USP40: variants seen among roughly 807,000 people sequenced by gnomAD.
USP40 encodes the protein ubiquitin specific peptidase 40.
Under a neutral mutation model 166.2 loss-of-function variants are expected in USP40, and 143 were observed. That is an observed-to-expected ratio of 0.86 (90% CI 0.75 to 0.99). USP40 has a LOEUF of 0.99. USP40 is among the 50% of genes least tolerant of loss of function. USP40 has a pLI of 0.00. For synonymous variants in USP40, 498 were observed against 524.0 expected (o/e 0.95, Z 0.68); for missense variants, 1,444 against 1,479.7 (o/e 0.98, Z 0.40).
chr2:233,507,029 C>A (rs1307061433), intron 21 of USP40, among the ~76,000 whole-genome samples: 2 of 152,042 alleles, frequency 1.3e-5, no homozygotes, highest in African/African-American at 4.8e-5. Context: ...GTAAACATTT[C>A]TCAAAAGACA....
chr2:233,498,647 C>G, intron 22 of USP40, 35 bp from the exon 23 acceptor site: 2 of 1,583,958 alleles, frequency 1.3e-6, no homozygotes, highest in Non-Finnish European at 1.7e-6. Flanking sequence ...AAAAAAAATT[C>G]AAAGTTAGGT....
In USP40 at chr2:233,502,628, A is replaced by G. The variant is rs571123793; in HGVS notation, c.2614-2713T>C. 4.6e-5 allele frequency among the ~76,000 whole-genome samples: 7 copies of G among 152,236 alleles called. No individual in the cohort carries two copies. The East Asian group carries it at 1.4e-3, about 29-fold the overall frequency. ...AGTGTGGCAGTATCCCCCTCCCCAG[A>G]GAGACCAACACACAGCTATGCTCAG... is the stretch of plus-strand genomic sequence containing the variant. On this transcript the variant is annotated intron_variant, in intron 21 of 31. Transcript: ENST00000678225.
At chr2:233,551,758 T>C (rs1048446948) in intron 6 of USP40, among the ~76,000 whole-genome samples, 1 of 152,196 alleles carries the variant, frequency 6.6e-6, no homozygotes, top group Non-Finnish European at 1.5e-5. Context: ...ATCTTTAATG[T>C]TGATATCCTG....
chr2:233,489,544 T>C (rs2065170530), intron 26 of USP40, 61 bp from the exon 27 acceptor site: 27 of 1,372,524 alleles, frequency 2.0e-5, no homozygotes, highest in Non-Finnish European at 2.7e-5. Flanking sequence ...AAACATACTG[T>C]TTTAGAAAAA....
chr2:233,496,319 A>G (rs2065750071), intron 24 of USP40, among the ~76,000 whole-genome samples: 1 of 152,248 alleles, frequency 6.6e-6, no homozygotes, highest in African/African-American at 2.4e-5. Context: ...ACTGCATAGA[A>G]CATCAAGGCT....
chr2:233,530,686 CTTCT>C (rs2068448466), intron 11 of USP40, among the ~76,000 whole-genome samples: 1 of 152,138 alleles, frequency 6.6e-6, no homozygotes, highest in South Asian at 2.1e-4. Context: ...CATTCTTCTT[CTTCT>C]TTTTGATTAC....
intron 2 of USP40, among the ~76,000 whole-genome samples, chr2:233,564,517 G>A (rs965201763): frequency 2.6e-5 from 4 of 152,134 alleles, no homozygotes; most frequent in African/African-American, 9.7e-5. Flanking sequence ...CAAGGGTCCA[G>A]TAAGGTCAGG....
intron 26 of USP40, among the ~76,000 whole-genome samples, chr2:233,490,144 T>C (rs1442669207): frequency 6.6e-6 from 1 of 151,682 alleles, no homozygotes; most frequent in East Asian, 1.9e-4. Flanking sequence ...TAAGGCTGTC[T>C]GCTTTTTCTT....
rs185292257 is a variant in USP40 at position 233,563,161 on chromosome 2, G to A, written c.200-358C>T. 4.6e-5 allele frequency among the ~76,000 whole-genome samples: 7 copies of A among 152,322 alleles called. No homozygotes were observed. In the East Asian group the frequency reaches 1.3e-3, roughly 29 times the overall value. ...AATACAGTAGTGTTGCAGTTTTCCT[G>A]CCACATGTAAGGCTAACAAACATCC... On this transcript the variant is annotated intron_variant, in intron 2 of 31. Transcript: ENST00000678225.
chr2:233,514,864 T>C (rs1364743883), intron 18 of USP40, among the ~76,000 whole-genome samples: 1 of 152,176 alleles, frequency 6.6e-6, no homozygotes, highest in Admixed American at 6.5e-5. Context: ...CAAACTGAGG[T>C]ATAGTTTGCA....
chr2:233,537,174 C>T (rs528822047), intron 10 of USP40, among the ~76,000 whole-genome samples: 3 of 152,252 alleles, frequency 2.0e-5, no homozygotes, highest in South Asian at 4.1e-4. Context: ...TGAGCCACCA[C>T]GTCCAGGCTA....
intron 11 of USP40, among the ~76,000 whole-genome samples, chr2:233,532,799 G>A (rs2125275113): frequency 6.6e-6 from 1 of 152,182 alleles, no homozygotes; most frequent in Admixed American, 6.5e-5. Context: ...AAATTAGCCA[G>A]GTGTGGCAGC....
intron 18 of USP40, among the ~76,000 whole-genome samples, chr2:233,514,469 C>T (rs568543116): frequency 1.4e-4 from 22 of 152,148 alleles, no homozygotes; most frequent in African/African-American, 4.6e-4. Flanking sequence ...CACTGAGAAA[C>T]GCAGAAAAGT....
Position 233,480,833 on chromosome 2 carries a change from G to T in USP40, c.3599+370C>A, listed in dbSNP as rs2064529519. 6.6e-6 allele frequency among the ~76,000 whole-genome samples: 1 copy of T among 152,192 alleles called. No individual in the cohort carries two copies. Among genetic ancestry groups the T allele is most frequent in the African/African-American group, 2.4e-5 (1 of 41,430 alleles). Reference sequence around the variant, plus strand: ...ACAGGGAGCCCGCAGCAGGGCTGAGGTGGCAGCAAGACGGGGTGGTTCTGG... The same window carrying T: ...ACAGGGAGCCCGCAGCAGGGCTGAGTTGGCAGCAAGACGGGGTGGTTCTGG... On this transcript the variant is annotated intron_variant, in intron 31 of 31. Coordinates refer to ENST00000678225, the MANE Select transcript of USP40 (RefSeq NM_001365479.2). This position sits in a 1 kb window ranked among gnomAD's most constrained non-coding sequence, Gnocchi z 4.5.
chr2:233,488,342 A>G, intron 27 of USP40, 38 bp from the exon 28 acceptor site: 1 of 1,509,212 alleles, frequency 6.6e-7, no homozygotes, highest in Non-Finnish European at 9.0e-7. Flanking sequence ...TGAGTGACAT[A>G]ACATTTAATT....
intron 10 of USP40, among the ~76,000 whole-genome samples, chr2:233,536,026 T>C (rs566328326): frequency 6.6e-6 from 1 of 152,182 alleles, no homozygotes; most frequent in African/African-American, 2.4e-5. Flanking sequence ...AATTTGTAAT[T>C]AAAAAATAAA....
chr2:233,549,645 C>CTT (rs58888838), intron 7 of USP40, among the ~76,000 whole-genome samples: 4,651 of 151,706 alleles, frequency 0.031, 225 homozygotes, highest in African/African-American at 0.11. Flanking sequence ...AATGCATCCC[C>CTT]TTTTTTTATT....
chr2:233,509,001 A>G (rs897110477), intron 21 of USP40, among the ~76,000 whole-genome samples: 2 of 152,160 alleles, frequency 1.3e-5, no homozygotes, highest in Admixed American at 1.3e-4. Context: ...CTGTGATGGT[A>G]AGATGTTTCA....
At chr2:233,510,394 T>TTC (rs1214209848) in intron 20 of USP40, among the ~76,000 whole-genome samples, 5 of 115,876 alleles carry the variant, frequency 4.3e-5, no homozygotes, top group South Asian at 5.5e-4. Flanking sequence ...TTTTCTTTCT[T>TTC]TTTTTTTTTT....
Sources: gnomAD v4.1 joint callset for allele counts (sites outside exome capture counted in the v4.1 genomes callset) on GRCh38, gnomAD v4.1.1 for gene constraint, Gnocchi (gnomAD v3.1) non-coding constraint, MANE v1.5 for transcripts, NCBI Gene and HGNC (gene_info 2026-07-23, HGNC 2026-07-21) for gene names.